The following PLEKHS1 variants were observed in gnomAD, a reference collection of about 807,000 sequenced individuals.
The protein encoded by PLEKHS1 is pleckstrin homology domain containing S1.
PLEKHS1 carries 55 observed loss-of-function variants against 51.0 expected under a neutral mutation model. That is an observed-to-expected ratio of 1.08 (90% CI 0.87 to 1.35). The LOEUF (loss-of-function observed/expected upper bound fraction) is 1.35, where lower values mean the gene tolerates loss of function less well. Ranked by LOEUF, PLEKHS1 falls within the 40% of genes most tolerant of loss-of-function variation. The probability of loss-of-function intolerance (pLI) is 0.00; values close to 1 mark genes in which losing one functional copy is unlikely to be tolerated. For missense variants in PLEKHS1, 398 were observed against 423.0 expected (o/e 0.94, Z 0.52); for synonymous variants, 153 against 144.8 (o/e 1.06, Z -0.41).
At chr10:113,778,643 C>CTTTTTTTTTT (rs55821501) in intron 11 of PLEKHS1, among the ~76,000 whole-genome samples, 2 of 127,112 alleles carry the variant, frequency 1.6e-5, no homozygotes, top group Non-Finnish European at 1.6e-5. Context: ...CGTTCACTTT[C>CTTTTTTTTTT]TTTTTTTTTT....
chr10:113,774,029 G>A (rs1844537057), intron 8 of PLEKHS1, among the ~76,000 whole-genome samples, 198 bp from the exon 9 acceptor site: 1 of 152,182 alleles, frequency 6.6e-6, no homozygotes. Context: ...GAAGAAAATT[G>A]ACTTTGAGTC....
rs779368896 is a variant in PLEKHS1, at chr10:113,777,512, A to C, written c.1091+1646A>C. ...GACCTCAGATCGGCATGATGTAGCA[A>C]AAAGAGCTTGCATGGAATCAGACTG... On this transcript the variant is annotated intron_variant, in intron 11 of 11. Coordinates refer to ENST00000361048, the Ensembl canonical transcript of PLEKHS1. 2.9e-5 allele frequency: 45 copies of C among 1,563,392 alleles called. No homozygotes were observed. In the African/African-American group the frequency reaches 4.7e-4, roughly 16 times the overall value.
chr10:113,780,733 G>T, exon 12 of PLEKHS1: 2 of 1,597,918 alleles, frequency 1.3e-6, no homozygotes, highest in Non-Finnish European at 1.7e-6. Flanking sequence ...GAGCTCCCAA[G>T]AGGAGTCCGG....
intron 2 of PLEKHS1, among the ~76,000 whole-genome samples, chr10:113,755,932 C>T (rs144412752): frequency 2.6e-3 from 392 of 152,310 alleles, no homozygotes; most frequent in African/African-American, 9.1e-3. Context: ...CTTAATTTTA[C>T]GTGAAACTCA....
intron 2 of PLEKHS1, chr10:113,765,182 A>C: frequency 2.1e-6 from 1 of 472,230 alleles, no homozygotes; most frequent in Non-Finnish European, 3.8e-6. Context: ...ATTCCTATGA[A>C]TCTTGAGCTT....
intron 11 of PLEKHS1, chr10:113,777,663 C>G: frequency 6.5e-7 from 1 of 1,527,386 alleles, no homozygotes; most frequent in South Asian, 1.2e-5. Flanking sequence ...AACGTGCTTA[C>G]AAAGGTGACT....
chr10:113,770,836 T>A (rs1017729856), intron 7 of PLEKHS1, among the ~76,000 whole-genome samples: 1 of 152,154 alleles, frequency 6.6e-6, no homozygotes, highest in Non-Finnish European at 1.5e-5. Flanking sequence ...ACACTATAGA[T>A]CCAGTGATTT....
Position 113,773,858 on chromosome 10 carries a change from G to T in PLEKHS1, c.673-369G>T, listed in dbSNP as rs530814647. Among the ~76,000 whole-genome samples, 48 of 152,310 alleles carry T rather than the reference G, an allele frequency of 3.2e-4. No individual in the cohort carries two copies. In the South Asian group the frequency reaches 7.9e-3, roughly 25 times the overall value. ...AGTAACCTGAGACCAGCTTCACATT[G>T]TGTCAGAGTCTTTGTCCCAGCCAAG... On this transcript the variant is annotated intron_variant, in intron 8 of 11. Coordinates refer to ENST00000361048, the Ensembl canonical transcript of PLEKHS1.
chr10:113,773,595 A>T (rs73361851), intron 8 of PLEKHS1, among the ~76,000 whole-genome samples: 1 of 152,184 alleles, frequency 6.6e-6, no homozygotes, highest in Non-Finnish European at 1.5e-5. Flanking sequence ...AGAAGAGAGC[A>T]CGAACATGGC....
intron 11 of PLEKHS1, among the ~76,000 whole-genome samples, chr10:113,776,352 A>T (rs759703747): frequency 1.8e-4 from 27 of 152,240 alleles, no homozygotes; most frequent in Non-Finnish European, 2.8e-4. Context: ...GTGGCAGAGA[A>T]TTTTCTTAAA....
At chr10:113,752,583 T>C (rs1194366825) in intron 1 of PLEKHS1, among the ~76,000 whole-genome samples, 1 of 152,178 alleles carries the variant, frequency 6.6e-6, no homozygotes, top group Non-Finnish European at 1.5e-5. Flanking sequence ...AACCTTCATG[T>C]TACAGATGAA....
At position 113,780,593 on chromosome 10, in the gene PLEKHS1, G is replaced by T. The variant is rs535991151; in HGVS notation, c.*-9G>T. The T allele has an allele frequency of 5.6e-6, 9 of 1,610,430 alleles. No individual in the cohort carries two copies. The highest frequency in any genetic ancestry group is 1.1e-5 in the South Asian group (1 of 90,982). On this transcript the variant is annotated splice_polypyrimidine_tract_variant and intron_variant, in intron 11 of 11. Transcript: ENST00000361048. ...TAGCCATTTAACTTTCTTCTTTCTT[G>T]TGTTTTAGAAATTAAAGCTTACCAT...
intron 11 of PLEKHS1, chr10:113,777,752 C>T (rs1033098180): frequency 1.4e-6 from 2 of 1,458,994 alleles, no homozygotes; most frequent in East Asian, 2.5e-5. Flanking sequence ...TATTCAAGCC[C>T]ATTTTTTAAA....
chr10:113,761,815 T>C (rs1273680644), intron 2 of PLEKHS1, among the ~76,000 whole-genome samples: 1 of 152,106 alleles, frequency 6.6e-6, no homozygotes, highest in Non-Finnish European at 1.5e-5. Context: ...GAGTTTTCAA[T>C]CAAGAAGAGT....
At chr10:113,782,691 A>G (rs11196491), downstream of PLEKHS1, 53,877 of 151,960 alleles carry the variant, frequency 0.35, 9,754 homozygotes, top group South Asian at 0.49. Context: ...TCTGTCTGCC[A>G]CAAGTGAAAG....
At chr10:113,758,711 G>A (rs1843784157) in intron 2 of PLEKHS1, among the ~76,000 whole-genome samples, 1 of 152,156 alleles carries the variant, frequency 6.6e-6, no homozygotes, top group South Asian at 2.1e-4. Context: ...TCATTGAATA[G>A]GGAGGTCCAA....
chr10:113,767,940 G>T (rs1844236248), intron 5 of PLEKHS1, among the ~76,000 whole-genome samples: 2 of 152,064 alleles, frequency 1.3e-5, no homozygotes, highest in Admixed American at 1.3e-4. Context: ...ATTGGATTTG[G>T]AGCCCTCTCT....
rs538855620 is a variant in PLEKHS1, at chr10:113,762,364, CCTTTTTT to C, written c.29-4046_29-4040del. Among the ~76,000 whole-genome samples the C allele has an allele frequency of 3.2e-3, 246 of 75,736 alleles. 1 individual carries two copies. Among genetic ancestry groups the C allele is most frequent in the African/African-American group, 8.2e-3 (213 of 25,932 alleles). The allele number at this position is 75,736 out of a possible 152,430, so 49.7% of individuals were successfully genotyped here. A position where few individuals can be genotyped will look rare whatever the true frequency, so the allele number is the denominator to read the frequency against. On this transcript the variant is annotated intron_variant, in intron 2 of 11. Transcript: ENST00000361048. ...TTCCTCTATTGACTTTAGATTTGTT[CCTTTTTT>C]TTTTTTTTTTTTTTTCAGTTTAGTT...
exon 12 of PLEKHS1, chr10:113,780,925 C>T: frequency 1.4e-6 from 1 of 729,510 alleles, no homozygotes; most frequent in Non-Finnish European, 2.2e-6. Flanking sequence ...ATGACTATCC[C>T]CTCTCTGGTT....
Sources: allele counts gnomAD v4.1 joint callset (sites outside exome capture counted in the v4.1 genomes callset), GRCh38; gene constraint gnomAD v4.1.1; transcripts MANE v1.5; gene names NCBI Gene and HGNC (gene_info 2026-07-23, HGNC 2026-07-21).